RIMBP2: variants seen among roughly 807,000 people sequenced by gnomAD.
The protein encoded by RIMBP2 is RIMS binding protein 2.
Under a neutral mutation model 118.6 loss-of-function variants are expected in RIMBP2, and 48 were observed. The ratio of observed to expected loss-of-function variants is 0.40; its 90% CI spans 0.32 to 0.51. RIMBP2 has a LOEUF of 0.51. Among genes scored for constraint, RIMBP2 ranks in the 20% least tolerant of loss-of-function variants. The pLI, the probability that RIMBP2 is intolerant of heterozygous loss-of-function variation, is 0.41. For synonymous variants in RIMBP2, 762 were observed against 742.9 expected, an observed-to-expected ratio of 1.03 and a Z score of -0.42; for missense variants, 1,551 against 1,768.3, an observed-to-expected ratio of 0.88 and a Z score of 2.20.
intron 4 of RIMBP2, among the ~76,000 whole-genome samples, chr12:130,488,934 A>T (rs1031743477): frequency 1.3e-5 from 2 of 151,950 alleles, no homozygotes; most frequent in Non-Finnish European, 2.9e-5. Flanking sequence ...AGAAGAACCG[A>T]TGCATGTATA....
chr12:130,634,652 C>T (rs909222297), intron 1 of RIMBP2, among the ~76,000 whole-genome samples: 3 of 151,840 alleles, frequency 2.0e-5, no homozygotes, highest in Non-Finnish European at 4.4e-5. Context: ...AGTGCAGTGG[C>T]GTGATCTCAG....
At chr12:130,437,363 A>C in intron 12 of RIMBP2, 72 bp from the exon 13 acceptor site, 1 of 1,298,540 alleles carries the variant, frequency 7.7e-7, no homozygotes, top group South Asian at 1.3e-5. Context: ...GGAGCCGACC[A>C]GTCCTCTGCC....
chr12:130,699,124 TTGG>T (rs2065714917), intron 1 of RIMBP2, among the ~76,000 whole-genome samples: 1 of 152,210 alleles, frequency 6.6e-6, no homozygotes, highest in Non-Finnish European at 1.5e-5. Flanking sequence ...TTTTACACTG[TTGG>T]TGGGATTGTA....
intron 3 of RIMBP2, among the ~76,000 whole-genome samples, chr12:130,510,118 G>A (rs908456865): frequency 6.6e-6 from 1 of 152,204 alleles, no homozygotes; most frequent in Non-Finnish European, 1.5e-5. Flanking sequence ...CGGACAGGCT[G>A]CCGTTCCAGT....
chr12:130,686,809 T>C (rs1269593775), intron 1 of RIMBP2, among the ~76,000 whole-genome samples: 1 of 151,782 alleles, frequency 6.6e-6, no homozygotes, highest in East Asian at 1.9e-4. Context: ...GGAAGGGGTG[T>C]GGACTGGAAA....
chr12:130,402,546 T>C (rs149780434), intron 21 of RIMBP2, among the ~76,000 whole-genome samples: 3 of 152,256 alleles, frequency 2.0e-5, no homozygotes, highest in Non-Finnish European at 4.4e-5. Flanking sequence ...CTTTACAGAA[T>C]AACTTTCTCT....
intron 2 of RIMBP2, among the ~76,000 whole-genome samples, chr12:130,528,915 A>G (rs1363495257): frequency 6.6e-6 from 1 of 152,218 alleles, no homozygotes; most frequent in Non-Finnish European, 1.5e-5. Flanking sequence ...TAAAAAGTTC[A>G]ACAGACTCAC....
chr12:130,571,576 T>C (rs77562513), intron 2 of RIMBP2, among the ~76,000 whole-genome samples: 10 of 152,048 alleles, frequency 6.6e-5, no homozygotes, highest in African/African-American at 1.2e-4. Flanking sequence ...CCCGCCACCA[T>C]GCCCAGCTAA....
chr12:130,576,151 C>A lies in RIMBP2; in HGVS notation c.-217+52171G>T, dbSNP rs1360340024. On this transcript the variant is annotated intron_variant, in intron 2 of 22. Transcript: ENST00000690449. The surrounding 1 kb of genome is among the most constrained non-coding windows in gnomAD (Gnocchi z 4.2). The stretch of plus-strand genomic sequence containing the variant: ...ACAGGTGAGGGGGAGGAGGGGGCTG[C>A]AGATCGTACCTTGTAGGCCACGGTA... 6.6e-6 allele frequency among the ~76,000 whole-genome samples: 1 copy of A among 152,108 alleles called. No homozygotes were observed. Among genetic ancestry groups the A allele is most frequent in the Non-Finnish European group, 1.5e-5 (1 of 68,012 alleles).
At chr12:130,604,023 C>T (rs532730745) in intron 2 of RIMBP2, among the ~76,000 whole-genome samples, 5 of 152,296 alleles carry the variant, frequency 3.3e-5, no homozygotes, top group East Asian at 1.9e-4. Flanking sequence ...CCGCTCCACG[C>T]GTGCTTTGCC....
intron 5 of RIMBP2, among the ~76,000 whole-genome samples, chr12:130,472,780 C>G (rs7976450): frequency 0.43 from 65,923 of 151,982 alleles, 14,553 homozygotes; most frequent in Middle Eastern, 0.53. Context: ...TCTGAGGTTT[C>G]TGTAGAGTTC....
chr12:130,560,046 C>T (rs537649486), intron 2 of RIMBP2, among the ~76,000 whole-genome samples: 17 of 152,260 alleles, frequency 1.1e-4, no homozygotes, highest in African/African-American at 3.6e-4. Context: ...AGCTGGTCAG[C>T]GGCAGAGCTG....
At chr12:130,485,103 C>T (rs1020168874) in intron 4 of RIMBP2, among the ~76,000 whole-genome samples, 5 of 152,224 alleles carry the variant, frequency 3.3e-5, no homozygotes, top group African/African-American at 9.6e-5. Flanking sequence ...CACTTAAACA[C>T]CAGGTACAGG....
rs568694507 is a variant in RIMBP2 at position 130,622,245 on chromosome 12, C to T, written c.-217+6077G>A. On this transcript the variant is annotated intron_variant, in intron 2 of 22. Coordinates refer to ENST00000690449, the MANE Select transcript of RIMBP2 (RefSeq NM_001393629.1). This position sits in a 1 kb window ranked among gnomAD's most constrained non-coding sequence, Gnocchi z 8.5. ...GCTGACTGGAGCAGACGTGAAGCCC[C>T]CACAAGGCTGCATAGGAGGTTCCGG... Among the ~76,000 whole-genome samples the T allele has an allele frequency of 2.0e-5, 3 of 152,248 alleles. No homozygotes were observed. Among genetic ancestry groups the T allele is most frequent in the East Asian group, 3.9e-4 (2 of 5,168 alleles).
rs1422744482 is a variant in RIMBP2 at position 130,685,455 on chromosome 12, G to A, written c.-352+30767C>T. ...AGACAGTATGTCCCTTTGGAGAAGT[G>A]AAGAAGACGACTGGGCAGGCGCCGT... is the stretch of plus-strand genomic sequence containing the variant. On this transcript the variant is annotated intron_variant, in intron 1 of 22. Coordinates refer to ENST00000690449, the MANE Select transcript of RIMBP2 (RefSeq NM_001393629.1). Among the ~76,000 whole-genome samples, 3 of 152,328 alleles carry A rather than the reference G, an allele frequency of 2.0e-5. No individual in the cohort carries two copies. The South Asian group carries it at 6.2e-4, about 32-fold the overall frequency.
At chr12:130,646,723 G>A (rs868113695) in intron 1 of RIMBP2, among the ~76,000 whole-genome samples, 1 of 152,368 alleles carries the variant, frequency 6.6e-6, no homozygotes, top group African/African-American at 2.4e-5. Context: ...AAAAATCGTT[G>A]ATGTCATCTC....
rs1166356035 is a variant in RIMBP2, at chr12:130,422,259, A to G, written c.3238+194T>C. On this transcript the variant is annotated intron_variant, in intron 17 of 22. Transcript: ENST00000690449. This position sits in a 1 kb window ranked among gnomAD's most constrained non-coding sequence, Gnocchi z 5.2. ...GGGAGAACATGGATGTAGAAGGCCA[A>G]TTTGATATTTCAAGAATACTTACAA... is the stretch of plus-strand genomic sequence containing the variant. Among the ~76,000 whole-genome samples the G allele has an allele frequency of 6.6e-6, 1 of 152,222 alleles. No homozygotes were observed. Among genetic ancestry groups the G allele is most frequent in the East Asian group, 1.9e-4 (1 of 5,198 alleles).
chr12:130,573,393 CGT>C (rs145775625), intron 2 of RIMBP2, among the ~76,000 whole-genome samples: 6 of 151,140 alleles, frequency 4.0e-5, no homozygotes, highest in Non-Finnish European at 4.4e-5. Flanking sequence ...AGTGTTCGCG[CGT>C]GTGTGTGCGA....
intron 22 of RIMBP2, among the ~76,000 whole-genome samples, chr12:130,399,398 T>C (rs1449084543): frequency 1.3e-5 from 2 of 152,190 alleles, no homozygotes; most frequent in African/African-American, 4.8e-5. Context: ...TCACTCTTGA[T>C]CAAACTGAAA....
Sources: gnomAD v4.1 joint callset for allele counts (sites outside exome capture counted in the v4.1 genomes callset) on GRCh38, gnomAD v4.1.1 for gene constraint, Gnocchi (gnomAD v3.1) non-coding constraint, MANE v1.5 for transcripts, NCBI Gene and HGNC (gene_info 2026-07-23, HGNC 2026-07-21) for gene names.